Variants in TRPM6 observed in about 807,000 individuals in gnomAD.
The protein encoded by TRPM6 is channel kinase 2.
In TRPM6, 111 loss-of-function variants were observed where a neutral mutation model predicts 247.6. The observed-to-expected ratio is 0.45, with a 90% CI of 0.38 to 0.52. The LOEUF (loss-of-function observed/expected upper bound fraction) is 0.52, where lower values mean the gene tolerates loss of function less well. Among genes scored for constraint, TRPM6 ranks in the 20% least tolerant of loss-of-function variants. TRPM6 has a pLI of 0.00. For synonymous variants in TRPM6, 892 were observed against 853.8 expected (o/e 1.04, Z -0.78); for missense variants, 2,126 against 2,421.5 (o/e 0.88, Z 2.56).
chr9:74,868,041 C>G (rs938903946), intron 1 of TRPM6, among the ~76,000 whole-genome samples: 1 of 151,166 alleles, frequency 6.6e-6, no homozygotes, highest in Non-Finnish European at 1.5e-5. Flanking sequence ...GTAATCCCAG[C>G]TACTCAGGAG....
chr9:74,741,392 C>A (rs1453174323), intron 33 of TRPM6, among the ~76,000 whole-genome samples: 13 of 151,798 alleles, frequency 8.6e-5, no homozygotes, highest in Non-Finnish European at 7.4e-5. Context: ...CCATTCTCTC[C>A]CTCTTGCATC....
chr9:74,882,517 C>A (rs751003589), intron 1 of TRPM6, among the ~76,000 whole-genome samples: 1 of 152,166 alleles, frequency 6.6e-6, no homozygotes, highest in African/African-American at 2.4e-5. Context: ...ATATGCTCAA[C>A]ATCACTAATC....
At chr9:74,858,246 A>T (rs191339175) in intron 2 of TRPM6, among the ~76,000 whole-genome samples, 83 of 152,254 alleles carry the variant, frequency 5.5e-4, no homozygotes, top group African/African-American at 1.7e-3. Flanking sequence ...AATTAGCCGG[A>T]CGTGGTGGCA....
chr9:74,880,110 G>A (rs1030930222), intron 1 of TRPM6, among the ~76,000 whole-genome samples: 26 of 152,002 alleles, frequency 1.7e-4, no homozygotes, highest in Non-Finnish European at 3.4e-4. Context: ...TTGTTGTGGT[G>A]TAAAAGTAGA....
intron 19 of TRPM6, among the ~76,000 whole-genome samples, chr9:74,789,957 T>C (rs1218490702): frequency 1.1e-4 from 8 of 72,352 alleles, no homozygotes; most frequent in African/African-American, 2.3e-4. Context: ...CAAGACTCCA[T>C]CTCAAAAAAA....
chr9:74,750,643 T>G, intron 30 of TRPM6, 21 bp downstream of exon 30: 2 of 1,611,180 alleles, frequency 1.2e-6, no homozygotes, highest in Non-Finnish European at 1.7e-6. Context: ...TTCTTAAACA[T>G]AAACATTTAG....
intron 37 of TRPM6, among the ~76,000 whole-genome samples, chr9:74,730,456 A>G (rs967424256): frequency 1.3e-5 from 2 of 152,194 alleles, no homozygotes; most frequent in African/African-American, 4.8e-5. Context: ...GAACGTTACC[A>G]TCTTCACTGA....
chr9:74,793,344 G>A (rs549305674), intron 18 of TRPM6, among the ~76,000 whole-genome samples: 100 of 152,202 alleles, frequency 6.6e-4, no homozygotes, highest in African/African-American at 2.4e-3. Context: ...ATTGGTCCCT[G>A]TTCCCAATAT....
intron 18 of TRPM6, among the ~76,000 whole-genome samples, chr9:74,794,727 G>A (rs1041035836): frequency 2.0e-5 from 3 of 152,082 alleles, no homozygotes; most frequent in African/African-American, 7.2e-5. Flanking sequence ...CTGTCTCTGA[G>A]TTGAATTCAA....
chr9:74,722,886 T>A lies in TRPM6; in HGVS notation c.*1727A>T, dbSNP rs1825187017. ...CTTTTCAACATTTCCCCTGTATGCC[T>A]AAGAATGCAAGAGTGTAGATTTTTA... On this transcript the variant is annotated 3_prime_UTR_variant, in exon 39 of 39. Coordinates refer to ENST00000360774, the MANE Select transcript of TRPM6 (RefSeq NM_017662.5). 1 of 152,140 alleles carries A rather than the reference T, an allele frequency of 6.6e-6. No individual in the cohort carries two copies. Among genetic ancestry groups the A allele is most frequent in the African/African-American group, 2.4e-5 (1 of 41,440 alleles). The allele number at this position is 152,140 out of a possible 1,614,324, so 9.4% of individuals were successfully genotyped here. A position where few individuals can be genotyped will look rare whatever the true frequency, so the allele number is the denominator to read the frequency against.
chr9:74,796,360 C>T (rs952865975), intron 18 of TRPM6, among the ~76,000 whole-genome samples: 1 of 152,144 alleles, frequency 6.6e-6, no homozygotes, highest in Non-Finnish European at 1.5e-5. Context: ...TCCACAGAAC[C>T]TCTAGCACAT....
chr9:74,878,635 C>G (rs998497522), intron 1 of TRPM6, among the ~76,000 whole-genome samples: 1 of 152,154 alleles, frequency 6.6e-6, no homozygotes, highest in Non-Finnish European at 1.5e-5. Flanking sequence ...CAATCCCCCC[C>G]GTGCAAGCAA....
intron 5 of TRPM6, among the ~76,000 whole-genome samples, chr9:74,835,944 T>C (rs994369401): frequency 6.6e-6 from 1 of 152,142 alleles, no homozygotes; most frequent in Non-Finnish European, 1.5e-5. Context: ...TTGATGACCC[T>C]ACATTATAGG....
chr9:74,761,930 A>T, intron 26 of TRPM6, 69 bp downstream of exon 26: 1 of 1,560,268 alleles, frequency 6.4e-7, no homozygotes, highest in South Asian at 1.1e-5. Flanking sequence ...GATTTAAAAA[A>T]CAAAACAAAA....
intron 38 of TRPM6, 139 bp from the exon 39 acceptor site, chr9:74,724,885 C>A (rs1268289361): frequency 1.3e-5 from 15 of 1,117,094 alleles, no homozygotes; most frequent in South Asian, 4.2e-5. Context: ...GAACTCAAAC[C>A]CTCAACCATG....
intron 9 of TRPM6, 38 bp from the exon 10 acceptor site, chr9:74,817,002 A>G (rs1828957978): frequency 2.5e-5 from 39 of 1,529,480 alleles, no homozygotes; most frequent in African/African-American, 6.8e-5. Context: ...ACATTTGGGG[A>G]ACTACCAAAT....
chr9:74,886,371 T>C (rs1428287613), intron 1 of TRPM6, among the ~76,000 whole-genome samples: 2 of 152,158 alleles, frequency 1.3e-5, no homozygotes, highest in Non-Finnish European at 2.9e-5. Context: ...CAGTGAAACA[T>C]CAAAATCTGT....
chr9:74,786,065 AG>A lies in TRPM6; in HGVS notation c.2727del (p.Trp910GlyfsTer3). Reference sequence around the variant, plus strand: ...ATGGCCACAGTTTCTGTTAAGTTCCAGTACTCACTAATCCATACCTTCACCT... The same window carrying A: ...ATGGCCACAGTTTCTGTTAAGTTCCATACTCACTAATCCATACCTTCACCT... ...TQKVKVWISE[Y>X]WNLTETVAIG... On this transcript the variant is annotated frameshift_variant, in exon 21 of 39. Transcript: ENST00000360774. LOFTEE classifies it high-confidence loss of function. 1.2e-6 allele frequency: 2 copies of A among 1,614,234 alleles called. No individual in the cohort carries two copies. The highest frequency in any genetic ancestry group is 1.7e-6 in the Non-Finnish European group (2 of 1,180,038).
At chr9:74,798,594 G>A (rs886110687) in intron 17 of TRPM6, among the ~76,000 whole-genome samples, 5 of 152,100 alleles carry the variant, frequency 3.3e-5, no homozygotes, top group Admixed American at 2.6e-4. Flanking sequence ...ATTTGATGGA[G>A]CATTACAATG....
Sources: gnomAD v4.1 joint callset for allele counts (sites outside exome capture counted in the v4.1 genomes callset) on GRCh38, gnomAD v4.1.1 for gene constraint, MANE v1.5 for transcripts, NCBI Gene and HGNC (gene_info 2026-07-23, HGNC 2026-07-21) for gene names.